The following IL1RAPL1 variants were observed in gnomAD, a reference collection of about 807,000 sequenced individuals.
The protein encoded by IL1RAPL1 is interleukin 1 receptor accessory protein like 1, also known as interleukin-1 receptor accessory protein-like 1.
In IL1RAPL1, 3 loss-of-function variants were observed where a neutral mutation model predicts 48.4. The ratio of observed to expected loss-of-function variants is 0.06; its 90% confidence interval spans 0.03 to 0.16. The LOEUF (loss-of-function observed/expected upper bound fraction) is 0.16, where lower values mean the gene tolerates loss of function less well. IL1RAPL1 is among the 10% of genes least tolerant of loss of function. The probability of loss-of-function intolerance (pLI) is 1.00; values close to 1 mark genes in which losing one functional copy is unlikely to be tolerated. For missense variants in IL1RAPL1, 349 were observed against 530.6 expected, an observed-to-expected ratio of 0.66 and a Z score of 3.36; for synonymous variants, 185 against 187.7, an observed-to-expected ratio of 0.99 and a Z score of 0.12.
At chrX:29,800,655 G>C (rs1045116546) in intron 6 of IL1RAPL1, among the ~76,000 whole-genome samples, 2 of 108,515 alleles carry the variant, frequency 1.8e-5, no homozygotes, top group South Asian at 7.9e-4. Flanking sequence ...CTTTTAATTT[G>C]AAATTTAATT....
Position 29,437,387 on chromosome X carries a change from G to A in IL1RAPL1, c.703+38079G>A, listed in dbSNP as rs147214133. The stretch of plus-strand genomic sequence containing the variant: ...TTTTATTTCTTCCTTTCCTAGCTAC[G>A]TATATTTTATTTCGTTTTCTTGCCT... On this transcript the variant is annotated intron_variant, in intron 5 of 10. Transcript: ENST00000378993. Among the ~76,000 whole-genome samples, 1,036 of 110,389 alleles carry A rather than the reference G, an allele frequency of 9.4e-3. 10 individuals carry two copies. The highest frequency in any genetic ancestry group is 0.032 in the African/African-American group (985 of 30,610).
chrX:28,696,969 G>A (rs963096014), intron 1 of IL1RAPL1, among the ~76,000 whole-genome samples: 8 of 111,682 alleles, frequency 7.2e-5, no homozygotes, highest in African/African-American at 2.6e-4. Context: ...GCATGATTGG[G>A]TAAAGAAGAT....
chrX:28,667,534 C>T (rs1934895442), intron 1 of IL1RAPL1, among the ~76,000 whole-genome samples: 2 of 111,855 alleles, frequency 1.8e-5, no homozygotes. Flanking sequence ...GTCTGTTCGC[C>T]TCATGCTAGT....
At chrX:29,583,822 A>G in intron 5 of IL1RAPL1, among the ~76,000 whole-genome samples, 1 of 111,400 alleles carries the variant, frequency 9.0e-6, no homozygotes, top group Non-Finnish European at 1.9e-5. Context: ...CAAAGATAGC[A>G]TCTTAAAAGG....
chrX:29,225,733 G>C (rs745892075), intron 2 of IL1RAPL1, among the ~76,000 whole-genome samples: 6 of 111,304 alleles, frequency 5.4e-5, no homozygotes, highest in Non-Finnish European at 1.1e-4. Flanking sequence ...TCAAAGTTAG[G>C]CTCCTACACT....
intron 2 of IL1RAPL1, among the ~76,000 whole-genome samples, chrX:29,143,248 CA>C (rs1488844752): frequency 1.8e-5 from 2 of 110,877 alleles, no homozygotes; most frequent in Admixed American, 1.9e-4. Flanking sequence ...AAATGAAAGA[CA>C]TGGACAATCA....
intron 3 of IL1RAPL1, among the ~76,000 whole-genome samples, chrX:29,341,834 T>C (rs1300257317): frequency 9.0e-6 from 1 of 110,590 alleles, no homozygotes; most frequent in Admixed American, 9.7e-5. Flanking sequence ...TGAGACAGAG[T>C]CTCACTCTCT....
intron 2 of IL1RAPL1, among the ~76,000 whole-genome samples, chrX:29,052,721 G>A (rs1163549633): frequency 9.1e-6 from 1 of 110,471 alleles, no homozygotes; most frequent in Non-Finnish European, 1.9e-5. Context: ...GCCCAGGCTG[G>A]AATGCAATGG....
intron 6 of IL1RAPL1, among the ~76,000 whole-genome samples, chrX:29,779,693 T>C (rs1182404016): frequency 8.9e-6 from 1 of 111,780 alleles, no homozygotes; most frequent in African/African-American, 3.2e-5. Flanking sequence ...ATAAAACACT[T>C]AGGAAGTTGT....
chrX:29,019,128 A>T (rs1402460638), intron 2 of IL1RAPL1, among the ~76,000 whole-genome samples: 3 of 111,115 alleles, frequency 2.7e-5, no homozygotes, highest in Non-Finnish European at 3.8e-5. Context: ...CTATCACAAG[A>T]ACAGGATGAG....
At chrX:29,332,093 GTC>G (rs1168998934) in intron 3 of IL1RAPL1, among the ~76,000 whole-genome samples, 1 of 18,886 alleles carries the variant, frequency 5.3e-5, no homozygotes, top group Non-Finnish European at 1.2e-4. Flanking sequence ...CTATTCTAAG[GTC>G]TTTTTTTTTT....
At chrX:29,945,626 A>G (rs929221842) in intron 9 of IL1RAPL1, among the ~76,000 whole-genome samples, 2 of 112,056 alleles carry the variant, frequency 1.8e-5, no homozygotes, top group Non-Finnish European at 3.8e-5. Context: ...AGAATCACAC[A>G]ATTAGAAAGA....
At chrX:28,736,707 G>A (rs1935830457) in intron 1 of IL1RAPL1, among the ~76,000 whole-genome samples, 1 of 112,031 alleles carries the variant, frequency 8.9e-6, no homozygotes, top group Admixed American at 9.5e-5. Context: ...TATCTCAGGA[G>A]TACAAACCAT....
intron 3 of IL1RAPL1, among the ~76,000 whole-genome samples, chrX:29,362,101 A>C (rs1308318103): frequency 8.9e-6 from 1 of 112,403 alleles, no homozygotes; most frequent in African/African-American, 3.2e-5. Context: ...TTATCATCAA[A>C]TGCCATAGTT....
At chrX:29,222,042 A>G (rs1354771918) in intron 2 of IL1RAPL1, among the ~76,000 whole-genome samples, 2 of 106,605 alleles carry the variant, frequency 1.9e-5, no homozygotes, top group Non-Finnish European at 1.9e-5. Flanking sequence ...AAACCTGCAC[A>G]TGTATATATT....
chrX:29,766,242 T>C (rs1310577350), intron 6 of IL1RAPL1, among the ~76,000 whole-genome samples: 1 of 98,845 alleles, frequency 1.0e-5, no homozygotes, highest in African/African-American at 3.8e-5. Flanking sequence ...GCAGGAGAAT[T>C]GCTTGAACCC....
At chrX:29,946,259 C>T in intron 9 of IL1RAPL1, among the ~76,000 whole-genome samples, 1 of 112,161 alleles carries the variant, frequency 8.9e-6, no homozygotes, top group East Asian at 2.8e-4. Flanking sequence ...CTCCATTTTG[C>T]CTGCTAGAAC....
At chrX:29,588,379 G>A (rs139798823) in intron 5 of IL1RAPL1, among the ~76,000 whole-genome samples, 3,522 of 111,965 alleles carry the variant, frequency 0.031, 60 homozygotes, top group Middle Eastern at 0.074. Context: ...ACATTTTTAT[G>A]TAGTATGAAC....
intron 3 of IL1RAPL1, among the ~76,000 whole-genome samples, chrX:29,339,932 A>G (rs1933050284): frequency 9.0e-6 from 1 of 111,197 alleles, no homozygotes; most frequent in Non-Finnish European, 1.9e-5. Context: ...TTATATGTAT[A>G]TTTTTTCATC....
Sources: gnomAD v4.1 joint callset for allele counts (sites outside exome capture counted in the v4.1 genomes callset) on GRCh38, gnomAD v4.1.1 for gene constraint, MANE v1.5 for transcripts, NCBI Gene and HGNC (gene_info 2026-07-23, HGNC 2026-07-21) for gene names.